SLC1A1: variants seen among roughly 807,000 people sequenced by gnomAD.
SLC1A1 encodes the protein solute carrier family 1 member 1.
In SLC1A1, 43 loss-of-function variants were observed where a neutral mutation model predicts 53.3. That is an observed-to-expected ratio of 0.81 (90% CI 0.63 to 1.04). SLC1A1 has a LOEUF of 1.04. Among genes scored for constraint, SLC1A1 ranks in the 50% least tolerant of loss-of-function variants. The probability of loss-of-function intolerance (pLI) is 0.00; values close to 1 mark genes in which losing one functional copy is unlikely to be tolerated. For synonymous variants in SLC1A1, 307 were observed against 243.2 expected, an observed-to-expected ratio of 1.26 and a Z score of -2.44; for missense variants, 748 against 664.9, an observed-to-expected ratio of 1.12 and a Z score of -1.37.
Position 4,516,891 on chromosome 9 carries a change from C to T in SLC1A1, c.91+26121C>T, listed in dbSNP as rs10974589. 2.0e-5 allele frequency among the ~76,000 whole-genome samples: 3 copies of T among 152,254 alleles called. No homozygotes were observed. In the East Asian group the frequency reaches 5.8e-4, roughly 29 times the overall value. ...GGTGTGCCCCAAGTGATTTCCTAGT[C>T]TTGGTTTTCTAAACCACCCCTCAAG... On this transcript the variant is annotated intron_variant, in intron 1 of 11. Coordinates refer to ENST00000262352, the MANE Select transcript of SLC1A1 (RefSeq NM_004170.6).
chr9:4,550,886 G>A (rs930924770), intron 2 of SLC1A1, among the ~76,000 whole-genome samples: 1 of 152,164 alleles, frequency 6.6e-6, no homozygotes, highest in Non-Finnish European at 1.5e-5. Context: ...ACCCAACTCT[G>A]TTTGTCATGG....
chr9:4,561,701 G>T (rs1818960292), intron 3 of SLC1A1, among the ~76,000 whole-genome samples, 160 bp downstream of exon 3: 1 of 152,096 alleles, frequency 6.6e-6, no homozygotes, highest in Admixed American at 6.6e-5. Context: ...AGACCAGCCT[G>T]GCCAACATGA....
At chr9:4,501,530 C>T (rs865993590) in intron 1 of SLC1A1, among the ~76,000 whole-genome samples, 1 of 151,506 alleles carries the variant, frequency 6.6e-6, no homozygotes, top group Non-Finnish European at 1.5e-5. Context: ...TTTGGGAGGC[C>T]GAGGTGGGCA....
At chr9:4,532,346 A>C (rs1473244498) in intron 1 of SLC1A1, among the ~76,000 whole-genome samples, 2 of 152,130 alleles carry the variant, frequency 1.3e-5, no homozygotes, top group Non-Finnish European at 2.9e-5. Flanking sequence ...AACTAGAATA[A>C]CCAATGCAGA....
chr9:4,584,964 GA>G (rs1265895242), intron 11 of SLC1A1, among the ~76,000 whole-genome samples: 2 of 152,102 alleles, frequency 1.3e-5, no homozygotes, highest in African/African-American at 4.8e-5. Flanking sequence ...CATTTGCATT[GA>G]ATCTAGAAAA....
chr9:4,496,467 G>T (rs1469283797), intron 1 of SLC1A1, among the ~76,000 whole-genome samples: 2 of 152,044 alleles, frequency 1.3e-5, no homozygotes, highest in African/African-American at 4.8e-5. Context: ...CTGTCCTCCT[G>T]CCTCAGCCTC....
At chr9:4,580,601 A>ATGTGTGTG (rs71326118) in intron 10 of SLC1A1, among the ~76,000 whole-genome samples, 1,295 of 69,606 alleles carry the variant, frequency 0.019, 30 homozygotes, top group Non-Finnish European at 0.028. Flanking sequence ...AAAAATATAT[A>ATGTGTGTG]TGTGTGTGTG....
chr9:4,515,973 A>G (rs1468781675), intron 1 of SLC1A1, among the ~76,000 whole-genome samples: 1 of 152,212 alleles, frequency 6.6e-6, no homozygotes, highest in Admixed American at 6.5e-5. Context: ...AGTTGTTAGG[A>G]AAGTTTCTCC....
At chr9:4,499,711 A>G (rs1820569304) in intron 1 of SLC1A1, among the ~76,000 whole-genome samples, 1 of 152,248 alleles carries the variant, frequency 6.6e-6, no homozygotes, top group Non-Finnish European at 1.5e-5. Flanking sequence ...CTGAATATAA[A>G]TTGCTAGTGG....
At chr9:4,575,869 C>A in intron 8 of SLC1A1, 132 bp from the exon 9 acceptor site, 2 of 961,784 alleles carry the variant, frequency 2.1e-6, no homozygotes, top group East Asian at 2.6e-5. Flanking sequence ...TATTCCTGCC[C>A]TACTCCCATT....
chr9:4,501,748 G>A (rs942023468), intron 1 of SLC1A1, among the ~76,000 whole-genome samples: 1 of 150,896 alleles, frequency 6.6e-6, no homozygotes, highest in African/African-American at 2.5e-5. Context: ...TGGGCAATGA[G>A]AGCTAAACTC....
At chr9:4,570,665 C>T (rs561004763) in intron 6 of SLC1A1, among the ~76,000 whole-genome samples, 124 of 152,242 alleles carry the variant, frequency 8.1e-4, no homozygotes, top group Non-Finnish European at 1.2e-3. Context: ...GCCACCGCAC[C>T]CAGCTAACAT....
rs151170842 is a variant in SLC1A1 at position 4,503,774 on chromosome 9, C to T, written c.91+13004C>T. Reference sequence around the variant, plus strand: ...GCAATACTACACAGGTCTGTCACATCATAGCATCCAGCATTGTACTTACTT... The same window carrying T: ...GCAATACTACACAGGTCTGTCACATTATAGCATCCAGCATTGTACTTACTT... On this transcript the variant is annotated intron_variant, in intron 1 of 11. Transcript: ENST00000262352. 1.9e-3 allele frequency among the ~76,000 whole-genome samples: 290 copies of T among 152,024 alleles called. 19 individuals carry two copies. The highest frequency in any genetic ancestry group is 6.9e-3 in the African/African-American group (283 of 41,288).
At chr9:4,547,549 T>C (rs1250932957) in intron 2 of SLC1A1, among the ~76,000 whole-genome samples, 2 of 152,168 alleles carry the variant, frequency 1.3e-5, no homozygotes, top group Non-Finnish European at 2.9e-5. Flanking sequence ...TATAGGAAAA[T>C]AAGTTCATTC....
intron 1 of SLC1A1, among the ~76,000 whole-genome samples, chr9:4,511,511 C>T (rs1323476201): frequency 2.0e-5 from 3 of 150,668 alleles, no homozygotes; most frequent in Non-Finnish European, 4.4e-5. Flanking sequence ...ACATTCATAC[C>T]ATAGCAGAGG....
At chr9:4,503,169 G>C (rs1820692455) in intron 1 of SLC1A1, among the ~76,000 whole-genome samples, 1 of 151,736 alleles carries the variant, frequency 6.6e-6, no homozygotes, top group East Asian at 1.9e-4. Context: ...TCCCACGTCT[G>C]TTCTGTGGCA....
intron 1 of SLC1A1, among the ~76,000 whole-genome samples, chr9:4,517,867 C>G (rs1815915031): frequency 6.6e-6 from 1 of 151,996 alleles, no homozygotes; most frequent in Non-Finnish European, 1.5e-5. Flanking sequence ...ATCCCTGTAG[C>G]CTTGTACGTT....
chr9:4,504,745 T>C (rs1820742791), intron 1 of SLC1A1, among the ~76,000 whole-genome samples: 2 of 152,206 alleles, frequency 1.3e-5, no homozygotes, highest in South Asian at 4.1e-4. Flanking sequence ...TTTTAAAAAG[T>C]TGATGTTTTC....
intron 1 of SLC1A1, among the ~76,000 whole-genome samples, chr9:4,493,213 G>A (rs1428833192): frequency 6.6e-6 from 1 of 152,162 alleles, no homozygotes; most frequent in Non-Finnish European, 1.5e-5. Flanking sequence ...TGGCAACAAA[G>A]GGCAGTCCTG....
Sources: allele counts gnomAD v4.1 joint callset (sites outside exome capture counted in the v4.1 genomes callset), GRCh38; gene constraint gnomAD v4.1.1; transcripts MANE v1.5; gene names NCBI Gene and HGNC (gene_info 2026-07-23, HGNC 2026-07-21).